PPT2: variants seen among roughly 807,000 people sequenced by gnomAD.
PPT2 encodes the protein palmitoyl-protein thioesterase 2.
PPT2 carries 20 observed loss-of-function variants against 37.3 expected under a neutral mutation model. The ratio of observed to expected loss-of-function variants is 0.54; its 90% CI spans 0.38 to 0.78. PPT2 has a LOEUF of 0.78. Ranked by LOEUF, PPT2 falls within the 30% of genes least tolerant of loss-of-function variation. The probability of loss-of-function intolerance (pLI) is 0.00; values close to 1 mark genes in which losing one functional copy is unlikely to be tolerated. For missense variants in PPT2, 270 were observed against 389.8 expected (o/e 0.69, Z 2.59); for synonymous variants, 135 against 159.1 (o/e 0.85, Z 1.14).
intron 7 of PPT2, among the ~76,000 whole-genome samples, chr6:32,159,433 C>CAAAAAAAAAAAA (rs1214191656): frequency 6.3e-4 from 14 of 22,196 alleles, no homozygotes; most frequent in African/African-American, 1.1e-3. Context: ...AACTCCATCT[C>CAAAAAAAAAAAA]AAAAAAAAAA....
Position 32,162,842 on chromosome 6 carries a change from A to G in PPT2, c.801A>G (p.Leu267=), listed in dbSNP as rs759454237. ...YLRDSFGLKT[L]LARGAIVRCP... ...GGGATTCTTTTGGGTTGAAGACTCT[A>G]TTGGCCCGGGGGGCCATAGTGAGGT... Residue 267 remains leucine (L), a synonymous_variant, in exon 9 of 9, where the codon CTA becomes CTG. Coordinates refer to ENST00000324816, the MANE Select transcript of PPT2 (RefSeq NM_005155.7). This position sits in a 1 kb window ranked among gnomAD's most constrained non-coding sequence, Gnocchi z 5.5. The G allele has an allele frequency of 4.3e-6, 7 of 1,613,874 alleles. No homozygotes were observed. The highest frequency in any genetic ancestry group is 5.9e-6 in the Non-Finnish European group (7 of 1,179,858).
intron 5 of PPT2, chr6:32,157,312 C>T (rs1212809724): frequency 2.4e-6 from 1 of 410,082 alleles, no homozygotes; most frequent in African/African-American, 2.0e-5. Context: ...CCTCCACCTC[C>T]TGGGTTCAAG....
intron 7 of PPT2, 119 bp downstream of exon 7, chr6:32,158,043 C>G (rs1163342559): frequency 5.7e-6 from 5 of 875,088 alleles, no homozygotes; most frequent in South Asian, 1.7e-5. Context: ...CTCCTCCCCC[C>G]ATTCATCATG....
rs1783641497 is a variant in PPT2 at position 32,154,839 on chromosome 6, A to T, written c.183+62A>T. On this transcript the variant is annotated intron_variant, in intron 2 of 8. Coordinates refer to ENST00000324816, the MANE Select transcript of PPT2 (RefSeq NM_005155.7). The surrounding 1 kb of genome is among the most constrained non-coding windows in gnomAD (Gnocchi z 7.3). ...GCGTCTACTGTGGCAGGGGAGGGAGAGCGGGGAACTGAAAGCCACCCCTCT... is the reference window on the plus strand; with the variant it reads ...GCGTCTACTGTGGCAGGGGAGGGAGTGCGGGGAACTGAAAGCCACCCCTCT... 6.4e-7 allele frequency: 1 copy of T among 1,563,356 alleles called. No individual in the cohort carries two copies. The highest frequency in any genetic ancestry group is 8.7e-7 in the Non-Finnish European group (1 of 1,149,138).
chr6:32,161,676 G>A (rs1166165353), intron 7 of PPT2, among the ~76,000 whole-genome samples: 2 of 145,194 alleles, frequency 1.4e-5, no homozygotes, highest in African/African-American at 2.6e-5. Context: ...CAACCTTTGC[G>A]TCCCAGAATC....
At position 32,154,419 on chromosome 6, in the gene PPT2, TG is replaced by T; in HGVS notation, c.-9+22del. ...GGTGCGCGTTGGTGCGTCAACGTGG[TG>T]GGGGGGTGTGTTTGTAGGGAGAGGG... On this transcript the variant is annotated intron_variant, in intron 1 of 8. Coordinates refer to ENST00000324816, the MANE Select transcript of PPT2 (RefSeq NM_005155.7). This position sits in a 1 kb window ranked among gnomAD's most constrained non-coding sequence, Gnocchi z 7.3. 5 of 1,451,780 alleles carry T rather than the reference TG, an allele frequency of 3.4e-6. No homozygotes were observed. The highest frequency in any genetic ancestry group is 5.1e-5 in the Admixed American group (2 of 39,120). 89.9% of individuals were successfully genotyped at this position (1,451,780 alleles called of 1,614,324 possible).
At position 32,156,353 on chromosome 6, in the gene PPT2, G is replaced by A. The variant is rs1350676962; in HGVS notation, c.541+375G>A. 7.9e-5 allele frequency among the ~76,000 whole-genome samples: 12 copies of A among 152,094 alleles called. No homozygotes were observed. Among genetic ancestry groups the A allele is most frequent in the African/African-American group, 2.2e-4 (9 of 41,412 alleles). On this transcript the variant is annotated intron_variant, in intron 5 of 8. Coordinates refer to ENST00000324816, the MANE Select transcript of PPT2 (RefSeq NM_005155.7). This position sits in a 1 kb window ranked among gnomAD's most constrained non-coding sequence, Gnocchi z 4.9. ...ACTCCTGACCTCAGGTGATCCACTC[G>A]CCTCGGCCTCCCAAAGTGCTGGGAT...
chr6:32,154,687 C>T lies in PPT2; in HGVS notation c.93C>T (p.Pro31=), dbSNP rs756143220. 1.9e-6 allele frequency: 3 copies of T among 1,613,072 alleles called. No homozygotes were observed. The highest frequency in any genetic ancestry group is 2.5e-6 in the Non-Finnish European group (3 of 1,180,002). Residue 31 remains proline (P), a synonymous_variant, in exon 2 of 9, where the codon CCC becomes CCT. Transcript: ENST00000324816. This position sits in a 1 kb window ranked among gnomAD's most constrained non-coding sequence, Gnocchi z 7.3. The part of the protein sequence containing the change: ...LPLLLLAAPA[P]HRASYKPVIV... ...TGCTGCTGCTTGCAGCCCCCGCGCC[C>T]CACCGCGCGTCCTACAAGCCGGTCA...
chr6:32,156,110 AT>A lies in PPT2; in HGVS notation c.541+146del, dbSNP rs568817947. The A allele has an allele frequency of 0.2, 110,663 of 552,698 alleles. No homozygotes were observed. Among genetic ancestry groups the A allele is most frequent in the South Asian group, 0.29 (10,710 of 37,216 alleles). 34.2% of individuals were successfully genotyped at this position (552,698 alleles called of 1,614,324 possible). On this transcript the variant is annotated intron_variant, in intron 5 of 8. Transcript: ENST00000324816. The surrounding 1 kb of genome is among the most constrained non-coding windows in gnomAD (Gnocchi z 4.9). ...GTTATTTGAACAGGCTCTGTTCAGA[AT>A]TTTTTTTTTTTTTGAGACGGAGTCT...
chr6:32,155,023 C>T lies in PPT2; in HGVS notation c.184-7C>T, dbSNP rs945333034. On this transcript the variant is annotated splice_region_variant and splice_polypyrimidine_tract_variant and intron_variant, in intron 2 of 8. Transcript: ENST00000324816. The surrounding 1 kb of genome is among the most constrained non-coding windows in gnomAD (Gnocchi z 4.3). ...TCCCCGGTGGCTGCATTGCCCCCTT[C>T]CCACAGACACACCCCGGGACTGTGG... The T allele has an allele frequency of 2.5e-6, 4 of 1,612,540 alleles. No homozygotes were observed. Among genetic ancestry groups the T allele is most frequent in the Non-Finnish European group, 3.4e-6 (4 of 1,179,944 alleles).
chr6:32,159,633 C>G (rs753392140), intron 7 of PPT2, among the ~76,000 whole-genome samples: 1 of 151,012 alleles, frequency 6.6e-6, no homozygotes, highest in South Asian at 2.1e-4. Context: ...TTATGTACAT[C>G]ATGTCATTTC....
chr6:32,154,921 G>T lies in PPT2; in HGVS notation c.184-109G>T. On this transcript the variant is annotated intron_variant, in intron 2 of 8. Transcript: ENST00000324816. This position sits in a 1 kb window ranked among gnomAD's most constrained non-coding sequence, Gnocchi z 7.3. ...TGGCGTGGGGGAGAGTTGGGGGACG[G>T]GATCCCTGGTTCTAGCAGGGTACAA... 1 of 1,546,680 alleles carries T rather than the reference G, an allele frequency of 6.5e-7. No homozygotes were observed. Among genetic ancestry groups the T allele is most frequent in the South Asian group, 1.2e-5 (1 of 85,550 alleles).
rs368278041 is a variant in PPT2, at chr6:32,156,132, A to G, written c.541+154A>G. 4.7e-5 allele frequency among the ~76,000 whole-genome samples: 7 copies of G among 150,194 alleles called. No individual in the cohort carries two copies. The highest frequency in any genetic ancestry group is 1.7e-4 in the African/African-American group (7 of 40,808). On this transcript the variant is annotated intron_variant, in intron 5 of 8. Transcript: ENST00000324816. The surrounding 1 kb of genome is among the most constrained non-coding windows in gnomAD (Gnocchi z 4.9). ...AGAATTTTTTTTTTTTTTGAGACGG[A>G]GTCTTGTTCTGTTGCCCAGGCTGGA...
rs1783674179 is a variant in PPT2 at position 32,155,149 on chromosome 6, C to T, written c.303C>T (p.Ala101=). The T allele has an allele frequency of 6.2e-7, 1 of 1,613,058 alleles. No individual in the cohort carries two copies. The highest frequency in any genetic ancestry group is 8.5e-7 in the Non-Finnish European group (1 of 1,179,972). Residue 101 remains alanine (A), a synonymous_variant, in exon 3 of 9, where the codon GCC becomes GCT. Transcript: ENST00000324816. The surrounding 1 kb of genome is among the most constrained non-coding windows in gnomAD (Gnocchi z 4.3). ...CTGTGGTCCCCATCATGGCAAAGGC[C>T]CCTCAAGGGGTGCATCTCATCTGCT... ...REAVVPIMAK[A]PQGVHLICYS... is the part of the protein sequence containing the mutation.
Position 32,154,668 on chromosome 6 carries a change from T to C in PPT2, c.74T>C (p.Leu25Pro), listed in dbSNP as rs149978286. The C allele has an allele frequency of 2.5e-6, 4 of 1,612,874 alleles. No homozygotes were observed. Among genetic ancestry groups the C allele is most frequent in the Non-Finnish European group, 3.4e-6 (4 of 1,179,974 alleles). ...LLLLPFLPLL[L>P]LAAPAPHRAS... is the part of the protein sequence containing the mutation. ...CTGTTGCCTTTCCTGCCGCTGCTGC[T>C]GCTTGCAGCCCCCGCGCCCCACCGC... The change falls in exon 2 of 9, where the codon CTG becomes CCG. Residue 25 changes from leucine (L) to proline (P), a missense_variant. Transcript: ENST00000324816. The surrounding 1 kb of genome is among the most constrained non-coding windows in gnomAD (Gnocchi z 7.3).
At position 32,155,548 on chromosome 6, in the gene PPT2, G is replaced by A. The variant is rs1447189602; in HGVS notation, c.338-140G>A. On this transcript the variant is annotated intron_variant, in intron 3 of 8. Coordinates refer to ENST00000324816, the MANE Select transcript of PPT2 (RefSeq NM_005155.7). This position sits in a 1 kb window ranked among gnomAD's most constrained non-coding sequence, Gnocchi z 4.3. ...GTGTGCCTGCCTTCTGTAAGCCTCA[G>A]TCTCCTTTGTGTACAGTGTGTGTCT... 2.6e-6 allele frequency: 2 copies of A among 767,072 alleles called. No individual in the cohort carries two copies. Among genetic ancestry groups the A allele is most frequent in the East Asian group, 5.1e-5 (2 of 39,288 alleles). 47.5% of individuals were successfully genotyped at this position (767,072 alleles called of 1,614,324 possible). A position where few individuals can be genotyped will look rare whatever the true frequency, so the allele number is the denominator to read the frequency against.
In PPT2 at chr6:32,162,648, T is replaced by G. The variant is rs552716538; in HGVS notation, c.765+26T>G. The G allele has an allele frequency of 3.1e-5, 49 of 1,590,228 alleles. 1 individual carries two copies. In the South Asian group the frequency reaches 5.3e-4, roughly 17 times the overall value. ...GTGAGCCCCCTGGGATTACTTCCCC[T>G]TCTAGCCGCTGTCCCACCTTATTCC... is the stretch of plus-strand genomic sequence containing the variant. On this transcript the variant is annotated intron_variant, in intron 8 of 8. Transcript: ENST00000324816. The surrounding 1 kb of genome is among the most constrained non-coding windows in gnomAD (Gnocchi z 5.5).
In PPT2 at chr6:32,155,774, C is replaced by G; in HGVS notation, c.424C>G (p.Gln142Glu). 1 of 1,613,648 alleles carries G rather than the reference C, an allele frequency of 6.2e-7. No homozygotes were observed. Among genetic ancestry groups the G allele is most frequent in the South Asian group, 1.1e-5 (1 of 91,074 alleles). Residue 142 changes from glutamine to glutamate, a missense_variant, in exon 4 of 9, where the codon CAG becomes GAG. Physicochemically the swap from Gln to Glu is conservative, Grantham distance 29. Coordinates refer to ENST00000324816, the MANE Select transcript of PPT2 (RefSeq NM_005155.7). The surrounding 1 kb of genome is among the most constrained non-coding windows in gnomAD (Gnocchi z 4.3). ...FISLSSPQMG[Q>E]YGDTDYLKWL... ...CTCCCTCTCCTCTCCACAGATGGGA[C>G]AGTATGGAGGTGAGTGGGCACTAGA...
In PPT2 at chr6:32,154,827, C is replaced by T. The variant is rs752986997; in HGVS notation, c.183+50C>T. On this transcript the variant is annotated intron_variant, in intron 2 of 8. Transcript: ENST00000324816. This position sits in a 1 kb window ranked among gnomAD's most constrained non-coding sequence, Gnocchi z 7.3. The stretch of plus-strand genomic sequence containing the variant: ...AGGGCGTTAGAGGCGTCTACTGTGG[C>T]AGGGGAGGGAGAGCGGGGAACTGAA... 25 of 1,578,932 alleles carry T rather than the reference C, an allele frequency of 1.6e-5. No homozygotes were observed. The highest frequency in any genetic ancestry group is 1.6e-4 in the Admixed American group (9 of 57,092).
Sources: gnomAD v4.1 joint callset for allele counts (sites outside exome capture counted in the v4.1 genomes callset) on GRCh38, gnomAD v4.1.1 for gene constraint, Gnocchi (gnomAD v3.1) non-coding constraint, MANE v1.5 for transcripts, NCBI Gene and HGNC (gene_info 2026-07-23, HGNC 2026-07-21) for gene names.